The following EPM2A variants were observed in gnomAD, a reference collection of about 807,000 sequenced individuals.
EPM2A encodes the protein laforin.
EPM2A carries 21 observed loss-of-function variants against 26.5 expected under a neutral mutation model. The observed-to-expected ratio is 0.79, with a 90% CI of 0.56 to 1.14. The LOEUF is 1.14. EPM2A is among the 50% of genes most tolerant of loss of function. The probability of loss-of-function intolerance (pLI) is 0.00; values close to 1 mark genes in which losing one functional copy is unlikely to be tolerated. For synonymous variants in EPM2A, 217 were observed against 177.6 expected (o/e 1.22, Z -1.76); for missense variants, 458 against 440.8 (o/e 1.04, Z -0.35).
chr6:145,670,320 C>T (rs986645145), intron 2 of EPM2A: 3 of 152,104 alleles, frequency 2.0e-5, no homozygotes, highest in Non-Finnish European at 4.4e-5. Flanking sequence ...ATCCAGTTTG[C>T]TTAATTTATA....
At chr6:145,551,888 G>C (rs1178637999) in intron 2 of EPM2A, among the ~76,000 whole-genome samples, 1 of 151,010 alleles carries the variant, frequency 6.6e-6, no homozygotes, top group Non-Finnish European at 1.5e-5. Flanking sequence ...AAGAAACTTG[G>C]AAGCATGAAC....
intron 2 of EPM2A, among the ~76,000 whole-genome samples, chr6:145,578,388 G>A (rs1781064205): frequency 6.6e-6 from 1 of 152,106 alleles, no homozygotes; most frequent in Admixed American, 6.5e-5. Flanking sequence ...AAGTTAGAAG[G>A]AAGATTAGAG....
intron 2 of EPM2A, among the ~76,000 whole-genome samples, chr6:145,645,736 G>C (rs1777412090): frequency 6.6e-6 from 1 of 152,030 alleles, no homozygotes; most frequent in Non-Finnish European, 1.5e-5. Flanking sequence ...AAGTAGCTGG[G>C]ACTACAAGCA....
chr6:145,506,669 T>C (rs1344878003), intron 2 of EPM2A, among the ~76,000 whole-genome samples: 1 of 151,922 alleles, frequency 6.6e-6, no homozygotes. Flanking sequence ...ACAAAGAAAA[T>C]AAGTCACCCT....
chr6:145,730,304 G>A (rs55653214), intron 1 of EPM2A, among the ~76,000 whole-genome samples: 2 of 152,176 alleles, frequency 1.3e-5, no homozygotes, highest in East Asian at 3.8e-4. Flanking sequence ...GGAGTGTGGA[G>A]GTATTCTGGT....
At chr6:145,436,436 C>T (rs1204582205) in intron 4 of EPM2A, among the ~76,000 whole-genome samples, 1 of 152,122 alleles carries the variant, frequency 6.6e-6, no homozygotes, top group Non-Finnish European at 1.5e-5. Flanking sequence ...TCAACAGTGT[C>T]TCTACCATTT....
At chr6:145,679,081 T>A (rs1199328708) in intron 2 of EPM2A, among the ~76,000 whole-genome samples, 1 of 152,086 alleles carries the variant, frequency 6.6e-6, no homozygotes, top group African/African-American at 2.4e-5. Context: ...TAAAAAAGGA[T>A]GAGTTCATGT....
chr6:145,685,978 C>T (rs1780873151), intron 2 of EPM2A, 144 bp downstream of exon 2: 1 of 719,662 alleles, frequency 1.4e-6, no homozygotes. Context: ...CACTGATTCA[C>T]TGTAATTTTC....
At chr6:145,442,892 G>A (rs1010228834) in intron 4 of EPM2A, among the ~76,000 whole-genome samples, 52 of 150,174 alleles carry the variant, frequency 3.5e-4, no homozygotes, top group African/African-American at 1.1e-3. Flanking sequence ...ATGGTGTCTC[G>A]CTCTGTTGCG....
chr6:145,397,468 G>C (rs1431724728), intron 4 of EPM2A, among the ~76,000 whole-genome samples: 1 of 151,992 alleles, frequency 6.6e-6, no homozygotes, highest in African/African-American at 2.4e-5. Flanking sequence ...AGAAAAGAAA[G>C]GAAATTGTTA....
At chr6:145,512,781 T>A (rs767223631) in intron 2 of EPM2A, among the ~76,000 whole-genome samples, 1 of 138,132 alleles carries the variant, frequency 7.2e-6, no homozygotes, top group Non-Finnish European at 1.6e-5. Flanking sequence ...AACCAACTGA[T>A]CTTCAATAAA....
At chr6:145,548,576 T>C (rs372132332) in intron 2 of EPM2A, among the ~76,000 whole-genome samples, 5 of 152,236 alleles carry the variant, frequency 3.3e-5, no homozygotes, top group African/African-American at 9.6e-5. Context: ...ATGGATATTC[T>C]ACCAAAGACA....
Position 145,490,390 on chromosome 6 carries a change from A to C in EPM2A, c.555+12132T>G, listed in dbSNP as rs559974628. On this transcript the variant is annotated intron_variant, in intron 4 of 4. Transcript: ENST00000638717. ...CTCTATTCCAGTTTGGCATGCAGTG[A>C]GGTGACATTTGAGGGTGCTATTTCT... 7.4e-5 allele frequency: 68 copies of C among 923,828 alleles called. 1 individual carries two copies. In the South Asian group the frequency reaches 8.8e-4, roughly 12 times the overall value. 57.2% of individuals were successfully genotyped at this position (923,828 alleles called of 1,614,324 possible).
At chr6:145,436,857 T>G (rs1778995653) in intron 4 of EPM2A, among the ~76,000 whole-genome samples, 1 of 152,164 alleles carries the variant, frequency 6.6e-6, no homozygotes, top group South Asian at 2.1e-4. Flanking sequence ...ATAAAGTTTC[T>G]ATTTGTTTTT....
chr6:145,560,568 A>G lies in EPM2A; in HGVS notation c.341-57993T>C, dbSNP rs189918986. Among the ~76,000 whole-genome samples, 4 of 152,310 alleles carry G rather than the reference A, an allele frequency of 2.6e-5. No individual in the cohort carries two copies. The East Asian group carries it at 5.8e-4, about 22-fold the overall frequency. On this transcript the variant is annotated intron_variant, in intron 2 of 3. Coordinates refer to the EPM2A transcript ENST00000450221. The stretch of plus-strand genomic sequence containing the variant: ...TTGGACCACAAGCCAGAGTTTGCTA[A>G]CCCTGGCAAAATCCATATCGACATC...
In EPM2A at chr6:145,735,280, C is replaced by G; in HGVS notation, c.219G>C (p.Gln73His). ...EVELAAEEAAQDGAEPGRVDT... is the reference protein window; with the variant it reads ...EVELAAEEAAHDGAEPGRVDT... ...CCACGCGGCCCGGCTCCGCCCCGTC[C>G]TGCGCCGCCTCCTCGGCCGCCAGCT... The change falls in exon 1 of 4, where the codon CAG (glutamine) becomes CAC (histidine). Residue 73 changes from glutamine to histidine, a missense_variant. Physicochemically the swap from Gln to His is conservative, Grantham distance 24. Transcript: ENST00000367519. 1 of 1,495,228 alleles carries G rather than the reference C, an allele frequency of 6.7e-7. No individual in the cohort carries two copies. Among genetic ancestry groups the G allele is most frequent in the Non-Finnish European group, 8.9e-7 (1 of 1,120,004 alleles). The allele number at this position is 1,495,228 out of a possible 1,614,324, so 92.6% of individuals were successfully genotyped here. A position where few individuals can be genotyped will look rare whatever the true frequency, so the allele number is the denominator to read the frequency against.
chr6:145,473,357 C>T (rs1281860527), intron 4 of EPM2A, among the ~76,000 whole-genome samples: 1 of 150,882 alleles, frequency 6.6e-6, no homozygotes, highest in Non-Finnish European at 1.5e-5. Flanking sequence ...TGAAAATATA[C>T]AGAGAAGACA....
intron 1 of EPM2A, among the ~76,000 whole-genome samples, chr6:145,702,253 C>A (rs1205255555): frequency 1.3e-5 from 2 of 152,136 alleles, no homozygotes; most frequent in Non-Finnish European, 2.9e-5. Context: ...CATTTCTTTA[C>A]CTGTGTGCAA....
intron 4 of EPM2A, among the ~76,000 whole-genome samples, chr6:145,472,734 G>C (rs547989666): frequency 6.6e-6 from 1 of 152,086 alleles, no homozygotes; most frequent in South Asian, 2.1e-4. Flanking sequence ...TTGAATGCTA[G>C]CTCAGCCACA....
Sources: gnomAD v4.1 joint callset for allele counts (sites outside exome capture counted in the v4.1 genomes callset) on GRCh38, gnomAD v4.1.1 for gene constraint, MANE v1.5 for transcripts, NCBI Gene and HGNC (gene_info 2026-07-23, HGNC 2026-07-21) for gene names.